Variants in ABCA13 observed in about 807,000 individuals in gnomAD.
The protein encoded by ABCA13 is ATP binding cassette subfamily A member 13.
In ABCA13, 476 loss-of-function variants were observed where a neutral mutation model predicts 478.7. The ratio of observed to expected loss-of-function variants is 0.99; its 90% CI spans 0.92 to 1.07. The LOEUF (loss-of-function observed/expected upper bound fraction) is 1.07. ABCA13 is among the 50% of genes least tolerant of loss of function. The pLI is 0.00. For synonymous variants in ABCA13, 2,252 were observed against 2,158.9 expected (o/e 1.04, Z -1.20); for missense variants, 6,060 against 5,910.6 (o/e 1.03, Z -0.83).
chr7:48,275,793 T>A lies in ABCA13; in HGVS notation c.6127T>A (p.Ser2043Thr). The A allele has an allele frequency of 6.2e-7, 1 of 1,612,328 alleles. No homozygotes were observed. Among genetic ancestry groups the A allele is most frequent in the African/African-American group, 1.3e-5 (1 of 75,044 alleles). ...CACAGGTAGCAGTTTAGAAGCATTA[T>A]CAAGTTTTATTGAAAAAAGTGAAAC... ...NVTGSSLEAL[S>T]SFIEKSETPY... Residue 2043 changes from serine to threonine, a missense_variant, in exon 17 of 62, where the codon TCA becomes ACA. This residue lies in a region of ABCA13 where 4,423 missense variants were observed against 4,309.1 expected (regional missense o/e 1.03). Coordinates refer to ENST00000435803, the MANE Select transcript of ABCA13 (RefSeq NM_152701.5).
At chr7:48,172,797 C>CAAAAAAAAAAAAAA (rs36196847) in intron 1 of ABCA13, among the ~76,000 whole-genome samples, 1 of 75,512 alleles carries the variant, frequency 1.3e-5, no homozygotes, top group African/African-American at 5.4e-5. Context: ...GACTCCGTCT[C>CAAAAAAAAAAAAAA]AAAAAAAAAA....
At chr7:48,397,641 A>G (rs1474961640) in intron 38 of ABCA13, among the ~76,000 whole-genome samples, 1 of 152,174 alleles carries the variant, frequency 6.6e-6, no homozygotes, top group Non-Finnish European at 1.5e-5. Context: ...ACTGCATTGC[A>G]CAGTTTTATT....
At chr7:48,397,915 T>C (rs1281230733) in intron 38 of ABCA13, among the ~76,000 whole-genome samples, 4 of 152,228 alleles carry the variant, frequency 2.6e-5, no homozygotes, top group Admixed American at 1.3e-4. Context: ...TGTCCCCCGC[T>C]CAGCATTCAC....
chr7:48,412,960 C>A (rs953838111), intron 41 of ABCA13, among the ~76,000 whole-genome samples: 1 of 151,368 alleles, frequency 6.6e-6, no homozygotes, highest in African/African-American at 2.4e-5. Context: ...TACAGGCGCC[C>A]GCCACCACGC....
chr7:48,341,879 GATATATATATATATAT>G, intron 29 of ABCA13, among the ~76,000 whole-genome samples: 1 of 31,336 alleles, frequency 3.2e-5, no homozygotes, highest in Non-Finnish European at 7.5e-5. Flanking sequence ...ATATCTTTCT[GATATATATATATATAT>G]CTTTCTGATA....
At chr7:48,600,224 A>G (rs1297561558) in intron 58 of ABCA13, among the ~76,000 whole-genome samples, 2 of 152,116 alleles carry the variant, frequency 1.3e-5, no homozygotes, top group Non-Finnish European at 2.9e-5. Flanking sequence ...TGTTTCTTAA[A>G]ATAGCCATTG....
intron 3 of ABCA13, among the ~76,000 whole-genome samples, chr7:48,203,026 C>T (rs1032771273): frequency 7.2e-5 from 11 of 152,228 alleles, no homozygotes; most frequent in African/African-American, 1.7e-4. Flanking sequence ...AAGGCTCAGG[C>T]ATGGCGGGCT....
chr7:48,585,345 A>C (rs1429179455), intron 56 of ABCA13, among the ~76,000 whole-genome samples: 1 of 152,206 alleles, frequency 6.6e-6, no homozygotes, highest in Non-Finnish European at 1.5e-5. Flanking sequence ...CAATAAGACC[A>C]ACTACTGGCC....
At chr7:48,619,120 C>T (rs748936523) in intron 59 of ABCA13, among the ~76,000 whole-genome samples, 5 of 152,162 alleles carry the variant, frequency 3.3e-5, no homozygotes, top group Non-Finnish European at 5.9e-5. Context: ...TTCTGAAGTC[C>T]CCCTTCTCTT....
chr7:48,332,475 A>G (rs557989432), intron 27 of ABCA13, among the ~76,000 whole-genome samples: 1 of 152,314 alleles, frequency 6.6e-6, no homozygotes, highest in Admixed American at 6.5e-5. Context: ...CTGCTTTTAA[A>G]TATCATCATC....
chr7:48,519,573 C>T (rs35825254), intron 52 of ABCA13, among the ~76,000 whole-genome samples: 7,519 of 152,200 alleles, frequency 0.049, 229 homozygotes, highest in South Asian at 0.11. Context: ...CCTGTTGGAG[C>T]GAGGGGGATG....
chr7:48,286,783 G>A (rs191462100), intron 19 of ABCA13, among the ~76,000 whole-genome samples: 4 of 152,120 alleles, frequency 2.6e-5, no homozygotes, highest in South Asian at 4.1e-4. Flanking sequence ...GATTACAGGC[G>A]TGAGCCACCG....
At chr7:48,470,842 G>A (rs1827413013) in intron 44 of ABCA13, among the ~76,000 whole-genome samples, 1 of 152,060 alleles carries the variant, frequency 6.6e-6, no homozygotes, top group African/African-American at 2.4e-5. Context: ...ATATCTAGCC[G>A]GTGCTTGTAA....
chr7:48,484,519 T>C (rs1308429533), intron 47 of ABCA13, among the ~76,000 whole-genome samples: 1 of 152,258 alleles, frequency 6.6e-6, no homozygotes, highest in Non-Finnish European at 1.5e-5. Flanking sequence ...TCCGACTTTT[T>C]AGTCTATCCC....
chr7:48,574,959 C>G (rs2131339041), intron 55 of ABCA13, among the ~76,000 whole-genome samples: 1 of 152,176 alleles, frequency 6.6e-6, no homozygotes, highest in South Asian at 2.1e-4. Flanking sequence ...GATAATATAG[C>G]ACATGGATGG....
chr7:48,171,550 C>A lies in ABCA13; in HGVS notation c.67C>A (p.Pro23Thr), dbSNP rs1794068358. The change falls in exon 1 of 62, where the codon CCG becomes ACG. Residue 23 changes from proline (P) to threonine (T), a missense_variant and splice_region_variant. Physicochemically the swap from Pro to Thr is conservative, Grantham distance 38. Transcript: ENST00000435803. ...WKNWLCRLRNPVLFLAEFFWP... is the reference protein window; with the variant it reads ...WKNWLCRLRNTVLFLAEFFWP... ...GAATTGGCTCTGCAGACTCAGGAAC[C>A]CGGTGAGTGCTTGCCTTGGTTTTCC... is the stretch of plus-strand genomic sequence containing the variant. The A allele has an allele frequency of 6.5e-7, 1 of 1,536,224 alleles. No individual in the cohort carries two copies. The highest frequency in any genetic ancestry group is 8.7e-7 in the Non-Finnish European group (1 of 1,146,896).
At chr7:48,508,694 C>A (rs914842672) in intron 50 of ABCA13, among the ~76,000 whole-genome samples, 4 of 152,116 alleles carry the variant, frequency 2.6e-5, no homozygotes, top group African/African-American at 9.7e-5. Context: ...GATATCCTTG[C>A]CCTCATACAT....
chr7:48,376,693 G>A, intron 35 of ABCA13, 121 bp downstream of exon 35: 2 of 1,166,100 alleles, frequency 1.7e-6, no homozygotes, highest in Non-Finnish European at 1.2e-6. Context: ...GAAGTCTTAG[G>A]ATATATATTT....
At chr7:48,171,985 G>C (rs1794137954) in intron 1 of ABCA13, among the ~76,000 whole-genome samples, 1 of 152,172 alleles carries the variant, frequency 6.6e-6, no homozygotes, top group East Asian at 1.9e-4. Flanking sequence ...CACCAGAGCA[G>C]GGTATGACAC....
Sources: gnomAD v4.1 joint callset for allele counts (sites outside exome capture counted in the v4.1 genomes callset) on GRCh38, gnomAD v4.1.1 for gene constraint, gnomAD v4.1.1 regional missense constraint, MANE v1.5 for transcripts, NCBI Gene and HGNC (gene_info 2026-07-23, HGNC 2026-07-21) for gene names.